Variants in PTK2B observed in about 807,000 individuals in gnomAD.
PTK2B encodes protein-tyrosine kinase 2-beta.
Under a neutral mutation model 142.9 loss-of-function variants are expected in PTK2B, and 71 were observed. That is an observed-to-expected ratio of 0.50 (90% confidence interval 0.41 to 0.61). The LOEUF (loss-of-function observed/expected upper bound fraction) is 0.61, where lower values mean the gene tolerates loss of function less well. Ranked by LOEUF, PTK2B falls within the 20% of genes least tolerant of loss-of-function variation. PTK2B has a pLI of 0.00. For synonymous variants in PTK2B, 519 were observed against 503.4 expected (o/e 1.03, Z -0.42); for missense variants, 1,105 against 1,320.4 (o/e 0.84, Z 2.53).
At chr8:27,444,943 CA>C (rs1423002597) in intron 23 of PTK2B, among the ~76,000 whole-genome samples, 4 of 152,120 alleles carry the variant, frequency 2.6e-5, no homozygotes, top group African/African-American at 9.7e-5. Context: ...TATTTGTTCT[CA>C]AGGAAATGCC....
chr8:27,442,819 A>G, intron 21 of PTK2B, 56 bp from the exon 22 acceptor site: 2 of 1,478,150 alleles, frequency 1.4e-6, no homozygotes, highest in South Asian at 1.1e-5. Context: ...GAGGAGCCCC[A>G]AGGAGCGTCT....
At chr8:27,421,292 AT>A (rs1809731954) in intron 4 of PTK2B, among the ~76,000 whole-genome samples, 2 of 65,198 alleles carry the variant, frequency 3.1e-5, no homozygotes, top group African/African-American at 8.5e-5. Context: ...TTATTTATTT[AT>A]TTATTTATTT....
chr8:27,391,191 G>A (rs944489743), intron 1 of PTK2B, among the ~76,000 whole-genome samples: 4 of 151,970 alleles, frequency 2.6e-5, no homozygotes, highest in African/African-American at 7.3e-5. Context: ...CCGTCTCCCG[G>A]GTTCAAGGGA....
intron 1 of PTK2B, 54 bp downstream of exon 1, chr8:27,325,735 G>A (rs1286995844): frequency 6.6e-6 from 1 of 152,272 alleles, no homozygotes; most frequent in Non-Finnish European, 1.5e-5. Context: ...GAAGTTGGAG[G>A]CTTGACCGGG....
chr8:27,359,305 G>A (rs1334192774), intron 1 of PTK2B, among the ~76,000 whole-genome samples: 1 of 152,116 alleles, frequency 6.6e-6, no homozygotes, highest in Non-Finnish European at 1.5e-5. Context: ...TAGTAGAGAA[G>A]GGGTTTCACC....
At chr8:27,452,089 T>C (rs1811853617) in intron 27 of PTK2B, 1 of 152,716 alleles carries the variant, frequency 6.5e-6, no homozygotes, top group Non-Finnish European at 1.5e-5. Flanking sequence ...TTTATTATCT[T>C]CTGAGGCACA....
intron 2 of PTK2B, among the ~76,000 whole-genome samples, chr8:27,413,354 A>T (rs1384954009): frequency 6.6e-6 from 1 of 152,198 alleles, no homozygotes; most frequent in East Asian, 1.9e-4. Flanking sequence ...CACACCATAG[A>T]CGCCATCCAG....
At chr8:27,361,907 T>C (rs1805732572) in intron 1 of PTK2B, among the ~76,000 whole-genome samples, 2 of 152,116 alleles carry the variant, frequency 1.3e-5, no homozygotes, top group African/African-American at 4.8e-5. Flanking sequence ...CTCAGGAATT[T>C]TTCTCATCCT....
chr8:27,388,396 C>T (rs902855380), intron 1 of PTK2B, among the ~76,000 whole-genome samples: 2 of 152,166 alleles, frequency 1.3e-5, no homozygotes, highest in Admixed American at 1.3e-4. Context: ...TAACAACTTT[C>T]AGAGGACTGG....
At chr8:27,451,866 C>A in intron 27 of PTK2B, 3 of 730,156 alleles carry the variant, frequency 4.1e-6, no homozygotes, top group Non-Finnish European at 5.4e-6. Flanking sequence ...CCTGCCTGTC[C>A]CAGTTCAGAT....
intron 1 of PTK2B, among the ~76,000 whole-genome samples, chr8:27,375,685 G>A (rs985593165): frequency 6.6e-6 from 1 of 152,150 alleles, no homozygotes; most frequent in Non-Finnish European, 1.5e-5. Context: ...TCCGGGGGCC[G>A]TGTTCTTTCC....
intron 28 of PTK2B, among the ~76,000 whole-genome samples, chr8:27,453,693 A>G (rs559976447): frequency 6.6e-6 from 1 of 152,302 alleles, no homozygotes; most frequent in South Asian, 2.1e-4. Context: ...CAGCCTGGGC[A>G]ATATAGCAAG....
Position 27,417,723 on chromosome 8 carries a change from A to C in PTK2B, c.205-2172A>C, listed in dbSNP as rs118094501. Among the ~76,000 whole-genome samples the C allele has an allele frequency of 5.3e-3, 798 of 151,900 alleles. 2 individuals carry two copies. Among genetic ancestry groups the C allele is most frequent in the Non-Finnish European group, 9.5e-3 (643 of 67,936 alleles). On this transcript the variant is annotated intron_variant, in intron 2 of 30. Transcript: ENST00000346049. ...TGATGCGTACATGGGGGTTTATTAT[A>C]CTCTTCTGTTTACTTTGTATATGTT... is the stretch of plus-strand genomic sequence containing the variant.
At chr8:27,425,313 T>C (rs2131919529) in intron 5 of PTK2B, among the ~76,000 whole-genome samples, 1 of 152,042 alleles carries the variant, frequency 6.6e-6, no homozygotes. Context: ...CCTTGCAGGG[T>C]TGTTACAAAG....
At chr8:27,411,858 A>G (rs987973090) in intron 2 of PTK2B, among the ~76,000 whole-genome samples, 2 of 152,180 alleles carry the variant, frequency 1.3e-5, no homozygotes, top group African/African-American at 4.8e-5. Context: ...TTCCTAGGCC[A>G]TTCACACTTC....
At chr8:27,432,510 T>G in intron 10 of PTK2B, 149 bp downstream of exon 10, 1 of 683,120 alleles carries the variant, frequency 1.5e-6, no homozygotes. Flanking sequence ...CTGCACCAAG[T>G]TCTTAGACAA....
At chr8:27,378,059 C>T (rs1175130011) in intron 1 of PTK2B, among the ~76,000 whole-genome samples, 1 of 152,184 alleles carries the variant, frequency 6.6e-6, no homozygotes, top group Non-Finnish European at 1.5e-5. Context: ...GCTTTGGTTC[C>T]TGCCATTGGT....
chr8:27,354,528 G>A (rs555489276), intron 1 of PTK2B, among the ~76,000 whole-genome samples: 1 of 152,310 alleles, frequency 6.6e-6, no homozygotes, highest in East Asian at 1.9e-4. Context: ...CTATGTGCAA[G>A]CAGTTTTTGA....
At position 27,439,386 on chromosome 8, in the gene PTK2B, G is replaced by A. The variant is rs370995513; in HGVS notation, c.1822G>A (p.Val608Ile). Residue 608 changes from valine to isoleucine, a missense_variant, in exon 20 of 31, where the codon GTC (valine) becomes ATC (isoleucine). Val to Ile is a conservative substitution (Grantham distance 29). Transcript: ENST00000346049. ...CCGACGCTTCACGACAGCCAGTGACGTCTGGATGTTCGGTGAGTGCTGATT... is the reference window on the plus strand; with the variant it reads ...CCGACGCTTCACGACAGCCAGTGACATCTGGATGTTCGGTGAGTGCTGATT... ...NFRRFTTASDVWMFAVCMWEI... is the reference protein window; with the variant it reads ...NFRRFTTASDIWMFAVCMWEI... The A allele has an allele frequency of 3.8e-5, 62 of 1,613,288 alleles. No homozygotes were observed. Among genetic ancestry groups the A allele is most frequent in the East Asian group, 8.9e-5 (4 of 44,882 alleles).
Sources: gnomAD v4.1 joint callset for allele counts (sites outside exome capture counted in the v4.1 genomes callset) on GRCh38, gnomAD v4.1.1 for gene constraint, MANE v1.5 for transcripts, NCBI Gene and HGNC (gene_info 2026-07-23, HGNC 2026-07-21) for gene names.